Variants in CDH12 observed in about 807,000 individuals in gnomAD.
The protein encoded by CDH12 is cadherin-12.
CDH12 carries 41 observed loss-of-function variants against 74.1 expected under a neutral mutation model. The observed-to-expected ratio is 0.55, with a 90% CI of 0.43 to 0.72. The LOEUF is 0.72. Among genes scored for constraint, CDH12 ranks in the 30% least tolerant of loss-of-function variants. The pLI, the probability that CDH12 is intolerant of heterozygous loss-of-function variation, is 0.00. For missense variants in CDH12, 945 were observed against 977.2 expected (o/e 0.97, Z 0.44); for synonymous variants, 399 against 355.0 (o/e 1.12, Z -1.39).
intron 1 of CDH12, among the ~76,000 whole-genome samples, chr5:22,693,182 C>T (rs1742174099): frequency 6.6e-6 from 1 of 152,162 alleles, no homozygotes. Context: ...ATTTGCACTA[C>T]CTCTGAACAT....
At chr5:22,716,581 C>A (rs1428151895) in intron 1 of CDH12, among the ~76,000 whole-genome samples, 1 of 148,728 alleles carries the variant, frequency 6.7e-6, no homozygotes. Context: ...GCTCCTTAAG[C>A]CTATTGAGAT....
intron 1 of CDH12, among the ~76,000 whole-genome samples, chr5:22,795,507 T>C (rs1257658613): frequency 6.6e-6 from 1 of 151,888 alleles, no homozygotes; most frequent in Non-Finnish European, 1.5e-5. Flanking sequence ...ATCTCATGTA[T>C]GTGTGTATAT....
rs533962994 is a variant in CDH12 at position 21,940,024 on chromosome 5, C to A, written c.526+35067G>T. On this transcript the variant is annotated intron_variant, in intron 6 of 14. Transcript: ENST00000382254. ...CCACTTGAAGTCAGGAGTTTTAGACCAGGCTGGCCAACATGGTGAAACTCC... is the reference window on the plus strand; with the variant it reads ...CCACTTGAAGTCAGGAGTTTTAGACAAGGCTGGCCAACATGGTGAAACTCC... 5.3e-5 allele frequency among the ~76,000 whole-genome samples: 8 copies of A among 152,094 alleles called. No individual in the cohort carries two copies. The South Asian group carries it at 1.7e-3, about 32-fold the overall frequency.
chr5:21,996,410 T>C (rs557254210), intron 5 of CDH12, among the ~76,000 whole-genome samples: 2 of 152,350 alleles, frequency 1.3e-5, no homozygotes, highest in Non-Finnish European at 2.9e-5. Flanking sequence ...TCTGTTGGCA[T>C]AAAATCAGGC....
intron 1 of CDH12, among the ~76,000 whole-genome samples, chr5:22,560,691 G>A (rs760583972): frequency 1.3e-5 from 2 of 151,866 alleles, no homozygotes; most frequent in Non-Finnish European, 2.9e-5. Flanking sequence ...ACTGAGAAAA[G>A]GATGAGATGT....
intron 4 of CDH12, among the ~76,000 whole-genome samples, chr5:22,156,507 T>G (rs1456237054): frequency 1.3e-5 from 2 of 152,272 alleles, no homozygotes; most frequent in East Asian, 3.9e-4. Context: ...ATACATATAC[T>G]TAAAGAAAAA....
intron 7 of CDH12, among the ~76,000 whole-genome samples, chr5:21,844,992 G>GAAGT: frequency 9.3e-6 from 1 of 107,718 alleles, no homozygotes; most frequent in Non-Finnish European, 1.9e-5. Context: ...TGAGACTACT[G>GAAGT]AGGTAGGTAG....
intron 10 of CDH12, among the ~76,000 whole-genome samples, chr5:21,798,255 GTGT>G (rs1250589759): frequency 2.0e-4 from 15 of 76,534 alleles, no homozygotes; most frequent in Admixed American, 1.4e-3. Context: ...GTGGATGTGT[GTGT>G]GTGTGTGTGT....
chr5:22,812,827 C>CA (rs1469008585), intron 1 of CDH12, among the ~76,000 whole-genome samples: 1 of 152,092 alleles, frequency 6.6e-6, no homozygotes, highest in Non-Finnish European at 1.5e-5. Context: ...AAGGTGAAGT[C>CA]AAAAAATGAT....
intron 1 of CDH12, among the ~76,000 whole-genome samples, chr5:22,847,815 C>G (rs1167470781): frequency 6.6e-6 from 1 of 152,062 alleles, no homozygotes; most frequent in Non-Finnish European, 1.5e-5. Flanking sequence ...TTCACTAAAA[C>G]TTTAATCCAT....
intron 3 of CDH12, among the ~76,000 whole-genome samples, chr5:22,384,538 AAAG>A (rs1275862451): frequency 1.9e-4 from 26 of 138,264 alleles, no homozygotes; most frequent in East Asian, 8.6e-4. Context: ...AAAAAAAAAA[AAAG>A]AAAAAGAAAA....
chr5:22,285,282 A>G (rs1462505131), intron 3 of CDH12, among the ~76,000 whole-genome samples: 1 of 152,118 alleles, frequency 6.6e-6, no homozygotes, highest in East Asian at 1.9e-4. Context: ...ATGGTTAAAG[A>G]CGTAACAACT....
chr5:22,758,471 T>A (rs1282699432), intron 1 of CDH12, among the ~76,000 whole-genome samples: 1 of 151,516 alleles, frequency 6.6e-6, no homozygotes, highest in African/African-American at 2.4e-5. Flanking sequence ...AACTACGAAG[T>A]TGTAAACTAT....
intron 3 of CDH12, among the ~76,000 whole-genome samples, chr5:22,315,257 C>T (rs868761662): frequency 1.3e-5 from 2 of 151,268 alleles, no homozygotes; most frequent in African/African-American, 2.4e-5. Flanking sequence ...CCACCGCGCC[C>T]GGCCTGGGCT....
chr5:22,474,149 G>T (rs567569190), intron 2 of CDH12, among the ~76,000 whole-genome samples: 2 of 152,098 alleles, frequency 1.3e-5, no homozygotes, highest in African/African-American at 4.8e-5. Context: ...TTTCTTTCAC[G>T]AATATTTCCT....
At chr5:22,625,889 C>T (rs1041373587) in intron 1 of CDH12, among the ~76,000 whole-genome samples, 4 of 152,100 alleles carry the variant, frequency 2.6e-5, no homozygotes, top group Admixed American at 6.5e-5. Flanking sequence ...TTTGCCTTGC[C>T]GGCACACACT....
chr5:22,220,092 G>A (rs976416489), intron 3 of CDH12, among the ~76,000 whole-genome samples: 3 of 151,670 alleles, frequency 2.0e-5, no homozygotes, highest in African/African-American at 4.8e-5. Flanking sequence ...GGTAAAAAAT[G>A]ATACCATATG....
At chr5:22,225,963 T>A in intron 3 of CDH12, among the ~76,000 whole-genome samples, 1 of 151,230 alleles carries the variant, frequency 6.6e-6, no homozygotes, top group East Asian at 2.0e-4. Flanking sequence ...GGATCAGGAG[T>A]ATAACATGAA....
chr5:22,269,976 T>C (rs150988906), intron 3 of CDH12, among the ~76,000 whole-genome samples: 50 of 152,326 alleles, frequency 3.3e-4, no homozygotes, highest in African/African-American at 1.1e-3. Flanking sequence ...CTACCTATTT[T>C]GATATGGATA....
Sources: allele counts gnomAD v4.1 joint callset (sites outside exome capture counted in the v4.1 genomes callset), GRCh38; gene constraint gnomAD v4.1.1; transcripts MANE v1.5; gene names NCBI Gene and HGNC (gene_info 2026-07-23, HGNC 2026-07-21).